Variants in MSI2 observed in about 807,000 individuals in gnomAD.
MSI2 encodes RNA-binding protein Musashi homolog 2.
Under a neutral mutation model 45.6 loss-of-function variants are expected in MSI2, and 17 were observed. The ratio of observed to expected loss-of-function variants is 0.37; its 90% CI spans 0.26 to 0.56. The LOEUF is 0.56. Ranked by LOEUF, MSI2 falls within the 20% of genes least tolerant of loss-of-function variation. The pLI is 0.77. For missense variants in MSI2, 293 were observed against 444.2 expected, an observed-to-expected ratio of 0.66 and a Z score of 3.06; for synonymous variants, 156 against 158.2, an observed-to-expected ratio of 0.99 and a Z score of 0.11.
At chr17:57,537,090 A>G (rs2086936489) in intron 7 of MSI2, among the ~76,000 whole-genome samples, 2 of 152,302 alleles carry the variant, frequency 1.3e-5, no homozygotes, top group African/African-American at 2.4e-5. Flanking sequence ...TCCATTGGAA[A>G]AGAGTTCTGT....
At chr17:57,621,737 G>A (rs1279550088) in intron 9 of MSI2, among the ~76,000 whole-genome samples, 1 of 152,198 alleles carries the variant, frequency 6.6e-6, no homozygotes, top group Non-Finnish European at 1.5e-5. Flanking sequence ...CATCCTTGGG[G>A]AAAACCTACA....
the MSI2 span, among the ~76,000 whole-genome samples, chr17:57,695,247 G>C: frequency 6.6e-6 from 1 of 152,172 alleles, no homozygotes; most frequent in Non-Finnish European, 1.5e-5. Flanking sequence ...GGAAGGGGGC[G>C]GAATATTGGG....
intron 5 of MSI2, among the ~76,000 whole-genome samples, chr17:57,324,533 TG>T (rs1913627921): frequency 6.6e-6 from 1 of 152,240 alleles, no homozygotes; most frequent in African/African-American, 2.4e-5. Flanking sequence ...TGGCTGTGCA[TG>T]TTGGCCCATG....
intron 11 of MSI2, among the ~76,000 whole-genome samples, chr17:57,659,729 A>G (rs1374928338): frequency 1.3e-5 from 2 of 152,114 alleles, no homozygotes; most frequent in Non-Finnish European, 1.5e-5. Context: ...AAGACCATGT[A>G]GGAAAAATAA....
chr17:57,678,694 G>T lies in MSI2; in HGVS notation c.*32-855G>T, dbSNP rs1219192386. 2.0e-5 allele frequency among the ~76,000 whole-genome samples: 3 copies of T among 152,198 alleles called. No homozygotes were observed. The South Asian group carries it at 6.2e-4, about 32-fold the overall frequency. ...GGGTGGGGTGGGGTGGAATGGGATG[G>T]GGGAGGCTGCTACCAGCCCATCCTC... On this transcript the variant is annotated intron_variant, in intron 13 of 13. Coordinates refer to ENST00000284073, the MANE Select transcript of MSI2 (RefSeq NM_138962.4).
At chr17:57,516,697 T>A (rs1317383838) in intron 6 of MSI2, among the ~76,000 whole-genome samples, 1 of 152,222 alleles carries the variant, frequency 6.6e-6, no homozygotes, top group African/African-American at 2.4e-5. Flanking sequence ...ATCAATAGTT[T>A]CTACTTTTCA....
chr17:57,609,018 G>A (rs1195647263), intron 8 of MSI2, among the ~76,000 whole-genome samples: 6 of 152,130 alleles, frequency 3.9e-5, no homozygotes, highest in Admixed American at 3.3e-4. Flanking sequence ...GTCTCTGGAG[G>A]CCAAGCTCAC....
At chr17:57,489,075 G>A (rs1285059405) in intron 6 of MSI2, among the ~76,000 whole-genome samples, 18 of 152,282 alleles carry the variant, frequency 1.2e-4, no homozygotes, top group Non-Finnish European at 1.5e-5. Context: ...GTCATTAAGG[G>A]TCATGAAGAG....
At chr17:57,473,033 C>T (rs751164914) in intron 6 of MSI2, among the ~76,000 whole-genome samples, 6 of 58,668 alleles carry the variant, frequency 1.0e-4, no homozygotes, top group Non-Finnish European at 2.2e-4. Context: ...GCTGGGATTA[C>T]AGGCGCCTGA....
At position 57,677,121 on chromosome 17, in the gene MSI2, G is replaced by A. The variant is rs1370265952; in HGVS notation, c.*31+62G>A. 1.9e-5 allele frequency: 21 copies of A among 1,119,022 alleles called. No individual in the cohort carries two copies. In the Admixed American group the frequency reaches 3.2e-4, roughly 17 times the overall value. 69.3% of individuals were successfully genotyped at this position (1,119,022 alleles called of 1,614,324 possible). The stretch of plus-strand genomic sequence containing the variant: ...GTGTGTCCGTACATGTATGTCCACA[G>A]GTCATACATGCACGTGCGTGCCCCT... On this transcript the variant is annotated intron_variant, in intron 13 of 13. Coordinates refer to ENST00000284073, the MANE Select transcript of MSI2 (RefSeq NM_138962.4).
At chr17:57,348,498 C>T (rs917574000) in intron 5 of MSI2, among the ~76,000 whole-genome samples, 1 of 152,148 alleles carries the variant, frequency 6.6e-6, no homozygotes, top group Non-Finnish European at 1.5e-5. Context: ...GTGTCATCCC[C>T]TTAGTCATAA....
chr17:57,573,000 T>A (rs2087919081), intron 7 of MSI2, among the ~76,000 whole-genome samples: 1 of 152,150 alleles, frequency 6.6e-6, no homozygotes, highest in African/African-American at 2.4e-5. Context: ...CGTCTGAGGA[T>A]CCCACATGGG....
chr17:57,284,648 A>G (rs1598070331), intron 5 of MSI2, among the ~76,000 whole-genome samples: 2 of 152,350 alleles, frequency 1.3e-5, no homozygotes, highest in Non-Finnish European at 1.5e-5. Context: ...GTAGGAGACT[A>G]TTACTGAGAA....
At chr17:57,325,745 G>A (rs1913735556) in intron 5 of MSI2, among the ~76,000 whole-genome samples, 1 of 152,206 alleles carries the variant, frequency 6.6e-6, no homozygotes, top group Admixed American at 6.5e-5. Flanking sequence ...CACCTACCCA[G>A]GGGGATTTTA....
chr17:57,474,920 C>T (rs969123076), intron 6 of MSI2, among the ~76,000 whole-genome samples: 1 of 152,060 alleles, frequency 6.6e-6, no homozygotes, highest in African/African-American at 2.4e-5. Flanking sequence ...GGGGTTTTAC[C>T]ATGTTGGTCA....
chr17:57,679,672 C>T lies in MSI2; in HGVS notation c.*155C>T, dbSNP rs958259174. 167 of 970,570 alleles carry T rather than the reference C, an allele frequency of 1.7e-4. 2 individuals carry two copies. The highest frequency in any genetic ancestry group is 1.0e-4 in the South Asian group (2 of 20,042). 60.1% of individuals were successfully genotyped at this position (970,570 alleles called of 1,614,324 possible). A position where few individuals can be genotyped will look rare whatever the true frequency, so the allele number is the denominator to read the frequency against. On this transcript the variant is annotated 3_prime_UTR_variant, in exon 14 of 14. Transcript: ENST00000284073. Reference sequence around the variant, plus strand: ...CATCCCAACCAGAGATGGCTCACTTCGGATCGAGGGTTGACTACATCTCAT... The same window carrying T: ...CATCCCAACCAGAGATGGCTCACTTTGGATCGAGGGTTGACTACATCTCAT...
chr17:57,448,496 C>G (rs2084938891), intron 6 of MSI2: 1 of 152,182 alleles, frequency 6.6e-6, no homozygotes, highest in Admixed American at 6.5e-5. Context: ...TCGCCCTCAC[C>G]CCCATCAGAG....
At chr17:57,272,415 A>G (rs2143288797) in intron 5 of MSI2, among the ~76,000 whole-genome samples, 1 of 152,312 alleles carries the variant, frequency 6.6e-6, no homozygotes, top group South Asian at 2.1e-4. Flanking sequence ...TGAAAAGTCA[A>G]TATTCTCATT....
chr17:57,648,598 C>A (rs1407104482), intron 10 of MSI2, among the ~76,000 whole-genome samples: 2 of 152,156 alleles, frequency 1.3e-5, no homozygotes, highest in African/African-American at 2.4e-5. Context: ...GGGACCCCCC[C>A]ACCACATTTC....
Sources: allele counts gnomAD v4.1 joint callset (sites outside exome capture counted in the v4.1 genomes callset), GRCh38; gene constraint gnomAD v4.1.1; transcripts MANE v1.5; gene names NCBI Gene and HGNC (gene_info 2026-07-23, HGNC 2026-07-21).